MAP4K3: variants seen among roughly 807,000 people sequenced by gnomAD.
The protein encoded by MAP4K3 is MAPK/ERK kinase kinase kinase 3.
In MAP4K3, 94 loss-of-function variants were observed where a neutral mutation model predicts 143.5. The observed-to-expected ratio is 0.65, with a 90% CI of 0.55 to 0.78. MAP4K3 has a LOEUF of 0.78. Among genes scored for constraint, MAP4K3 ranks in the 30% least tolerant of loss-of-function variants. MAP4K3 has a pLI of 0.00. For missense variants in MAP4K3, 1,077 were observed against 1,068.1 expected, an observed-to-expected ratio of 1.01 and a Z score of -0.12; for synonymous variants, 416 against 347.2, an observed-to-expected ratio of 1.20 and a Z score of -2.20.
At chr2:39,357,367 A>T (rs72927121) in intron 2 of MAP4K3, among the ~76,000 whole-genome samples, 1 of 152,236 alleles carries the variant, frequency 6.6e-6, no homozygotes, top group African/African-American at 2.4e-5. Context: ...AATTAGTAGC[A>T]AAGTAAAAAA....
intron 26 of MAP4K3, among the ~76,000 whole-genome samples, chr2:39,267,686 A>C (rs1680823454): frequency 6.6e-6 from 1 of 151,808 alleles, no homozygotes. Context: ...CTCCAAAAAA[A>C]AAAAAAAAAA....
intron 2 of MAP4K3, among the ~76,000 whole-genome samples, chr2:39,369,031 T>C (rs756915041): frequency 6.6e-6 from 1 of 152,100 alleles, no homozygotes; most frequent in Non-Finnish European, 1.5e-5. Flanking sequence ...AACTCAAGCA[T>C]GGCTGTCACA....
chr2:39,437,239 G>A lies in MAP4K3; in HGVS notation c.-252C>T, dbSNP rs111533639. On this transcript the variant is annotated 5_prime_UTR_variant, in exon 1 of 34. Transcript: ENST00000263881. ...CCTGGTCACACCCACAAGGAGAGGAGAACCCTCGCAGCCCCTCGCTCGGGG... is the reference window on the plus strand; with the variant it reads ...CCTGGTCACACCCACAAGGAGAGGAAAACCCTCGCAGCCCCTCGCTCGGGG... 0.037 allele frequency: 10,774 copies of A among 292,770 alleles called. 244 individuals are homozygous for A. Among genetic ancestry groups the A allele is most frequent in the South Asian group, 0.048 (342 of 7,058 alleles). 18.1% of individuals were successfully genotyped at this position (292,770 alleles called of 1,614,324 possible).
At chr2:39,270,677 C>G (rs550982690) in intron 26 of MAP4K3, among the ~76,000 whole-genome samples, 1 of 151,986 alleles carries the variant, frequency 6.6e-6, no homozygotes, top group Non-Finnish European at 1.5e-5. Flanking sequence ...AAAGCTTATG[C>G]TTTACTAAAA....
In MAP4K3 at chr2:39,325,823, A is replaced by G; in HGVS notation, c.726-12T>C. Reference sequence around the variant, plus strand: ...GAAAACTATTTGACCTAAGAAATTTAGAAAATTAGACTTTTACATTCCAAT... The same window carrying G: ...GAAAACTATTTGACCTAAGAAATTTGGAAAATTAGACTTTTACATTCCAAT... On this transcript the variant is annotated splice_polypyrimidine_tract_variant and intron_variant, in intron 10 of 33. Coordinates refer to ENST00000263881, the MANE Select transcript of MAP4K3 (RefSeq NM_003618.4). The G allele has an allele frequency of 6.3e-7, 1 of 1,589,398 alleles. No homozygotes were observed. The highest frequency in any genetic ancestry group is 8.6e-7 in the Non-Finnish European group (1 of 1,167,334).
Position 39,250,511 on chromosome 2 carries a change from T to C in MAP4K3, c.*107A>G, listed in dbSNP as rs1680110072. ...TCTCATGCCACAATAAATTACAAAG[T>C]AACTGAAGACAGGTTACTGCAGCTT... On this transcript the variant is annotated 3_prime_UTR_variant, in exon 34 of 34. Transcript: ENST00000263881. 8.7e-6 allele frequency: 9 copies of C among 1,032,672 alleles called. No homozygotes were observed. Among genetic ancestry groups the C allele is most frequent in the Non-Finnish European group, 1.3e-5 (9 of 714,296 alleles). 64.0% of individuals were successfully genotyped at this position (1,032,672 alleles called of 1,614,324 possible).
chr2:39,311,410 A>T lies in MAP4K3; in HGVS notation c.998-1891T>A, dbSNP rs1480934499. The stretch of plus-strand genomic sequence containing the variant: ...ATCTTAATTCAGTATTTAGGTGGGT[A>T]GACAGCTGCTGATACAGGGTACTTG... On this transcript the variant is annotated intron_variant, in intron 13 of 33. Transcript: ENST00000263881. Among the ~76,000 whole-genome samples the T allele has an allele frequency of 7.2e-5, 11 of 152,312 alleles. No homozygotes were observed. The East Asian group carries it at 2.1e-3, about 29-fold the overall frequency.
chr2:39,315,449 CA>C, intron 12 of MAP4K3, 61 bp from the exon 13 acceptor site: 1 of 1,058,704 alleles, frequency 9.4e-7, no homozygotes, highest in Non-Finnish European at 1.4e-6. Flanking sequence ...GTTTGGTCCA[CA>C]AAATTACCCA....
At chr2:39,418,111 G>T (rs1296862260) in intron 1 of MAP4K3, among the ~76,000 whole-genome samples, 1 of 151,834 alleles carries the variant, frequency 6.6e-6, no homozygotes, top group African/African-American at 2.4e-5. Context: ...GCTGAGGCAG[G>T]AGAATTGCTT....
intron 31 of MAP4K3, 75 bp from the exon 32 acceptor site, chr2:39,254,595 T>C: frequency 2.0e-6 from 2 of 1,024,318 alleles, no homozygotes; most frequent in Admixed American, 1.9e-5. Flanking sequence ...CATCCCTCTA[T>C]CTCATACAGC....
intron 31 of MAP4K3, 108 bp from the exon 32 acceptor site, chr2:39,254,628 G>A (rs1680277663): frequency 4.1e-6 from 3 of 738,032 alleles, no homozygotes; most frequent in Non-Finnish European, 6.9e-6. Context: ...CACAACTAAT[G>A]TCAGCTATTC....
chr2:39,299,985 ATT>A (rs1682443167), intron 15 of MAP4K3, 184 bp from the exon 16 acceptor site: 1 of 342,238 alleles, frequency 2.9e-6, no homozygotes, highest in African/African-American at 2.1e-5. Context: ...GTATTTTATT[ATT>A]TGAGTGTTTT....
intron 1 of MAP4K3, among the ~76,000 whole-genome samples, chr2:39,404,358 T>C (rs1667034908): frequency 6.6e-6 from 1 of 152,128 alleles, no homozygotes; most frequent in African/African-American, 2.4e-5. Context: ...CTGCCCTGAA[T>C]GGTGAGTCCT....
At chr2:39,414,939 T>C (rs1372925026) in intron 1 of MAP4K3, among the ~76,000 whole-genome samples, 1 of 152,078 alleles carries the variant, frequency 6.6e-6, no homozygotes, top group Non-Finnish European at 1.5e-5. Context: ...CCAAGTATTA[T>C]GTAAAAAATG....
chr2:39,254,415 G>C, intron 32 of MAP4K3, 35 bp downstream of exon 32: 1 of 1,519,250 alleles, frequency 6.6e-7, no homozygotes, highest in Non-Finnish European at 9.1e-7. Context: ...ATTTGATAAT[G>C]TCTTGTGACT....
At position 39,326,460 on chromosome 2, in the gene MAP4K3, C is replaced by T. The variant is rs113856561; in HGVS notation, c.531-183G>A. ...CCAAGATCTTGACATCTCATAAGAC[C>T]CTCATTAGTAACTTGCTTTTGATTA... On this transcript the variant is annotated intron_variant, in intron 8 of 33. Transcript: ENST00000263881. Among the ~76,000 whole-genome samples, 227 of 151,922 alleles carry T rather than the reference C, an allele frequency of 1.5e-3. 3 individuals carry two copies. The highest frequency in any genetic ancestry group is 5.3e-3 in the African/African-American group (220 of 41,406).
intron 4 of MAP4K3, among the ~76,000 whole-genome samples, chr2:39,340,353 A>G (rs943014639): frequency 2.0e-5 from 3 of 152,212 alleles, no homozygotes; most frequent in African/African-American, 7.2e-5. Context: ...CAGCCAAAAG[A>G]GTGAACACAG....
chr2:39,279,920 T>C (rs2148464379), intron 23 of MAP4K3, among the ~76,000 whole-genome samples: 1 of 152,232 alleles, frequency 6.6e-6, no homozygotes, highest in East Asian at 1.9e-4. Context: ...GCCACTGTAC[T>C]CTAGCCTGGG....
chr2:39,326,481 G>C (rs1050277603), intron 8 of MAP4K3, among the ~76,000 whole-genome samples: 2 of 152,088 alleles, frequency 1.3e-5, no homozygotes. Context: ...ACTTGCTTTT[G>C]ATTATACAGG....
Sources: gnomAD v4.1 joint callset for allele counts (sites outside exome capture counted in the v4.1 genomes callset) on GRCh38, gnomAD v4.1.1 for gene constraint, MANE v1.5 for transcripts, NCBI Gene and HGNC (gene_info 2026-07-23, HGNC 2026-07-21) for gene names.